Variants in NMT2 observed in about 807,000 individuals in gnomAD.
The protein encoded by NMT2 is N-myristoyltransferase 2.
Under a neutral mutation model 65.4 loss-of-function variants are expected in NMT2, and 35 were observed. The ratio of observed to expected loss-of-function variants is 0.54; its 90% CI spans 0.41 to 0.71. The LOEUF (loss-of-function observed/expected upper bound fraction) is 0.71. Ranked by LOEUF, NMT2 falls within the 30% of genes least tolerant of loss-of-function variation. NMT2 has a pLI of 0.00. For missense variants in NMT2, 489 were observed against 611.3 expected, an observed-to-expected ratio of 0.80 and a Z score of 2.11; for synonymous variants, 226 against 231.8, an observed-to-expected ratio of 0.98 and a Z score of 0.23.
At chr10:15,140,967 A>G (rs988751924) in intron 2 of NMT2, 22 of 1,548,468 alleles carry the variant, frequency 1.4e-5, no homozygotes, top group Non-Finnish European at 1.9e-5. Context: ...GGTTTAATTC[A>G]AAGTCAACGA....
At chr10:15,113,609 A>C (rs1025297400) in intron 9 of NMT2, among the ~76,000 whole-genome samples, 10 of 152,116 alleles carry the variant, frequency 6.6e-5, no homozygotes, top group African/African-American at 2.4e-4. Context: ...TGCAGAAATA[A>C]AAGCTTTAAG....
chr10:15,131,392 C>A (rs1846281929), intron 6 of NMT2, among the ~76,000 whole-genome samples: 1 of 151,608 alleles, frequency 6.6e-6, no homozygotes, highest in South Asian at 2.1e-4. Flanking sequence ...CTCAAGCAAT[C>A]CTCCCATCTC....
intron 8 of NMT2, among the ~76,000 whole-genome samples, chr10:15,120,332 C>T (rs979381186): frequency 3.3e-5 from 5 of 152,092 alleles, no homozygotes; most frequent in Non-Finnish European, 4.4e-5. Flanking sequence ...GTGACATGCA[C>T]CTGTAATCCC....
intron 3 of NMT2, 103 bp downstream of exon 3, chr10:15,135,171 T>G: frequency 8.7e-7 from 1 of 1,155,774 alleles, no homozygotes; most frequent in Non-Finnish European, 1.3e-6. Flanking sequence ...ATGATACATG[T>G]GAAGTTAACA....
At chr10:15,143,715 G>C (rs1036200137) in intron 1 of NMT2, among the ~76,000 whole-genome samples, 1 of 152,094 alleles carries the variant, frequency 6.6e-6, no homozygotes, top group East Asian at 1.9e-4. Flanking sequence ...TAAAAAATTA[G>C]CTGGGCATGG....
chr10:15,161,276 C>T (rs10906841), intron 1 of NMT2, among the ~76,000 whole-genome samples: 50,431 of 151,618 alleles, frequency 0.33, 8,635 homozygotes, highest in Middle Eastern at 0.39. Context: ...ACTCAAAATA[C>T]ATCATCCACG....
Position 15,105,829 on chromosome 10 carries a change from T to C in NMT2, c.*3366A>G, listed in dbSNP as rs1290922288. Among the ~76,000 whole-genome samples, 5 of 152,224 alleles carry C rather than the reference T, an allele frequency of 3.3e-5. No homozygotes were observed. Among genetic ancestry groups the C allele is most frequent in the African/African-American group, 1.2e-4 (5 of 41,468 alleles). The stretch of plus-strand genomic sequence containing the variant: ...AAGCAAGCAGTTTAATTCTCGAAAA[T>C]GTTAATTAGTAATCTGCTTCAATTA... On this transcript the variant is annotated 3_prime_UTR_variant, in exon 12 of 12. Transcript: ENST00000378165.
At chr10:15,168,454 G>T in intron 1 of NMT2, 49 bp downstream of exon 1, 1 of 1,390,038 alleles carries the variant, frequency 7.2e-7, no homozygotes, top group Admixed American at 1.8e-5. Context: ...ACCGTGGCGC[G>T]CGCGGTCCCC....
At chr10:15,131,959 G>A (rs1025079578) in intron 6 of NMT2, among the ~76,000 whole-genome samples, 1 of 151,950 alleles carries the variant, frequency 6.6e-6, no homozygotes, top group African/African-American at 2.4e-5. Context: ...TCTTCCTCCT[G>A]GGTTCAAGTG....
intron 2 of NMT2, among the ~76,000 whole-genome samples, chr10:15,136,716 C>T (rs185440890): frequency 6.6e-6 from 1 of 152,250 alleles, no homozygotes; most frequent in East Asian, 1.9e-4. Context: ...CTGTCGTTCC[C>T]AGCCCAAGTG....
intron 8 of NMT2, among the ~76,000 whole-genome samples, chr10:15,124,636 G>A (rs958196570): frequency 6.6e-5 from 10 of 152,154 alleles, no homozygotes; most frequent in African/African-American, 9.7e-5. Flanking sequence ...TTGCTTTTAC[G>A]CTGAATGGTA....
chr10:15,154,581 A>C (rs566202112), intron 1 of NMT2, among the ~76,000 whole-genome samples: 1 of 152,252 alleles, frequency 6.6e-6, no homozygotes, highest in South Asian at 2.1e-4. Context: ...TTATGGGTAG[A>C]TTATTATTAT....
At chr10:15,160,730 C>T (rs1447081468) in intron 1 of NMT2, among the ~76,000 whole-genome samples, 4 of 151,822 alleles carry the variant, frequency 2.6e-5, no homozygotes, top group East Asian at 1.9e-4. Context: ...GCAAAGATGA[C>T]GACACTGCAC....
chr10:15,116,259 A>C lies in NMT2; in HGVS notation c.1170+3084T>G, dbSNP rs193273928. Among the ~76,000 whole-genome samples, 832 of 152,308 alleles carry C rather than the reference A, an allele frequency of 5.5e-3. 4 individuals carry two copies. The highest frequency in any genetic ancestry group is 8.5e-3 in the Non-Finnish European group (578 of 68,020). On this transcript the variant is annotated intron_variant, in intron 9 of 11. Transcript: ENST00000378165. The stretch of plus-strand genomic sequence containing the variant: ...TTAACCATAATTGAATCAAACTAGA[A>C]ATCTGTAATAGGGAGACAACAGAAA...
intron 1 of NMT2, among the ~76,000 whole-genome samples, chr10:15,167,318 A>G (rs1168988402): frequency 6.6e-6 from 1 of 152,262 alleles, no homozygotes; most frequent in Non-Finnish European, 1.5e-5. Context: ...TTAATATTTT[A>G]TAATGAATTA....
intron 8 of NMT2, among the ~76,000 whole-genome samples, chr10:15,121,154 T>TC (rs1166877440): frequency 3.3e-5 from 5 of 151,986 alleles, no homozygotes; most frequent in Admixed American, 2.0e-4. Flanking sequence ...ACCTGATTTT[T>TC]CCCCCCCTTG....
At chr10:15,166,883 T>C (rs1833395041) in intron 1 of NMT2, among the ~76,000 whole-genome samples, 1 of 152,154 alleles carries the variant, frequency 6.6e-6, no homozygotes, top group African/African-American at 2.4e-5. Flanking sequence ...ACCAGGGGCA[T>C]TCTCAACAGT....
intron 8 of NMT2, among the ~76,000 whole-genome samples, chr10:15,126,650 C>T (rs1198755244): frequency 1.3e-5 from 2 of 152,164 alleles, no homozygotes; most frequent in Non-Finnish European, 2.9e-5. Context: ...GAACTCAATC[C>T]TGCCAACAAC....
intron 2 of NMT2, chr10:15,138,479 A>G (rs1195516066): frequency 1.1e-5 from 5 of 471,090 alleles, no homozygotes; most frequent in East Asian, 6.9e-5. Context: ...GGTGAGATGA[A>G]TATCTACCCG....
Sources: allele counts gnomAD v4.1 joint callset (sites outside exome capture counted in the v4.1 genomes callset), GRCh38; gene constraint gnomAD v4.1.1; transcripts MANE v1.5; gene names NCBI Gene and HGNC (gene_info 2026-07-23, HGNC 2026-07-21).